ZNF385D: variants seen among roughly 807,000 people sequenced by gnomAD.
ZNF385D encodes the protein zinc finger protein 659.
ZNF385D carries 15 observed loss-of-function variants against 35.8 expected under a neutral mutation model. The observed-to-expected ratio is 0.42, with a 90% confidence interval of 0.28 to 0.64. ZNF385D has a LOEUF of 0.64. Ranked by LOEUF, ZNF385D falls within the 30% of genes least tolerant of loss-of-function variation. ZNF385D has a pLI of 0.23. For missense variants in ZNF385D, 474 were observed against 494.6 expected (o/e 0.96, Z 0.39); for synonymous variants, 212 against 186.8 (o/e 1.13, Z -1.10).
chr3:21,980,246 G>T (rs909328465), intron 3 of ZNF385D, among the ~76,000 whole-genome samples: 1 of 152,152 alleles, frequency 6.6e-6, no homozygotes, highest in Non-Finnish European at 1.5e-5. Flanking sequence ...CAAGCTTTCA[G>T]TTAATTCAGC....
Position 22,368,971 on chromosome 3 carries a change from T to G in ZNF385D, c.106+3479A>C, listed in dbSNP as rs1319717875. Among the ~76,000 whole-genome samples, 3 of 152,324 alleles carry G rather than the reference T, an allele frequency of 2.0e-5. No homozygotes were observed. The East Asian group carries it at 5.8e-4, about 29-fold the overall frequency. On this transcript the variant is annotated intron_variant, in intron 2 of 5. Coordinates refer to the ZNF385D transcript ENST00000494108. ...AAATATAAATTACACTGGCAGTTTT[T>G]GGGTGTGTAATCTACAGAAGTTGAT...
At chr3:21,659,814 G>C (rs904610924) in intron 2 of ZNF385D, among the ~76,000 whole-genome samples, 1 of 152,150 alleles carries the variant, frequency 6.6e-6, no homozygotes, top group South Asian at 2.1e-4. Flanking sequence ...TGTAAAAATT[G>C]TTCAATGTAT....
chr3:21,845,678 C>A (rs923731605), intron 3 of ZNF385D, among the ~76,000 whole-genome samples: 4 of 151,874 alleles, frequency 2.6e-5, no homozygotes, highest in Non-Finnish European at 5.9e-5. Flanking sequence ...ACCCAAATAA[C>A]CTCAGCCACA....
At chr3:21,593,603 C>G (rs1200417562) in intron 2 of ZNF385D, among the ~76,000 whole-genome samples, 3 of 152,064 alleles carry the variant, frequency 2.0e-5, no homozygotes, top group Non-Finnish European at 4.4e-5. Context: ...CCACCTTACT[C>G]AAACATATGT....
intron 1 of ZNF385D, among the ~76,000 whole-genome samples, chr3:21,740,763 A>T (rs76837680): frequency 0.2 from 30,143 of 152,034 alleles, 3,034 homozygotes; most frequent in Middle Eastern, 0.32. Context: ...GCAATGTGGA[A>T]CTTCCCAGGG....
intron 1 of ZNF385D, among the ~76,000 whole-genome samples, chr3:21,730,730 T>G (rs565372273): frequency 6.6e-6 from 1 of 152,392 alleles, no homozygotes; most frequent in South Asian, 2.1e-4. Flanking sequence ...TTGCTTATAG[T>G]AGTGTAGCTA....
At chr3:21,505,718 G>A (rs1706724844) in intron 4 of ZNF385D, among the ~76,000 whole-genome samples, 1 of 152,096 alleles carries the variant, frequency 6.6e-6, no homozygotes, top group African/African-American at 2.4e-5. Flanking sequence ...TACAGAGGCT[G>A]CATATGTAAG....
intron 3 of ZNF385D, among the ~76,000 whole-genome samples, chr3:21,925,597 A>G (rs1700686285): frequency 6.6e-6 from 1 of 152,188 alleles, no homozygotes; most frequent in African/African-American, 2.4e-5. Context: ...CAAAAAGGAT[A>G]ATCCATAAAA....
chr3:21,678,852 A>G (rs566848150), intron 1 of ZNF385D, among the ~76,000 whole-genome samples: 20 of 152,254 alleles, frequency 1.3e-4, no homozygotes, highest in South Asian at 6.2e-4. Context: ...CCAAGTTATC[A>G]GTGTCATTAT....
intron 2 of ZNF385D, among the ~76,000 whole-genome samples, chr3:22,326,615 T>A (rs1218923692): frequency 6.6e-6 from 1 of 152,106 alleles, no homozygotes; most frequent in Admixed American, 6.5e-5. Context: ...GAATGGAGCA[T>A]CTGTCTCAGG....
chr3:21,894,698 T>G (rs1699042360), intron 3 of ZNF385D, among the ~76,000 whole-genome samples: 2 of 152,186 alleles, frequency 1.3e-5, no homozygotes, highest in Admixed American at 1.3e-4. Flanking sequence ...AGATCTGAAA[T>G]GTCTATTTTA....
intron 2 of ZNF385D, among the ~76,000 whole-genome samples, chr3:22,178,901 G>T (rs1387416418): frequency 6.6e-6 from 1 of 152,152 alleles, no homozygotes; most frequent in Non-Finnish European, 1.5e-5. Flanking sequence ...TTGTAGATAT[G>T]TGGCATTATT....
At position 21,437,701 on chromosome 3, in the gene ZNF385D, C is replaced by CAAAAA. The variant is rs751739275; in HGVS notation, c.440-503_440-499dup. 4.2e-3 allele frequency among the ~76,000 whole-genome samples: 328 copies of CAAAAA among 77,182 alleles called. 14 individuals are homozygous for CAAAAA. Among genetic ancestry groups the CAAAAA allele is most frequent in the African/African-American group, 0.016 (311 of 19,070 alleles). The allele number at this position is 77,182 out of a possible 152,430, so 50.6% of individuals were successfully genotyped here. Reference sequence around the variant, plus strand: ...ACAGATCCTTTTGCAAATGCTTATACAAAAAAAAAAAAAAAAAACCGGAAC... The same window carrying CAAAAA: ...ACAGATCCTTTTGCAAATGCTTATACAAAAAAAAAAAAAAAAAAAAAAACCGGAAC... On this transcript the variant is annotated intron_variant, in intron 4 of 7. Coordinates refer to ENST00000281523, the MANE Select transcript of ZNF385D (RefSeq NM_024697.3).
intron 2 of ZNF385D, among the ~76,000 whole-genome samples, chr3:21,645,872 T>G (rs959237995): frequency 3.9e-5 from 6 of 152,190 alleles, no homozygotes; most frequent in African/African-American, 1.4e-4. Flanking sequence ...GCATTATGTA[T>G]AGAGAAAAAC....
In ZNF385D at chr3:22,366,097, A is replaced by G. The variant is rs184572877; in HGVS notation, c.106+6353T>C. On this transcript the variant is annotated intron_variant, in intron 2 of 5. Coordinates refer to the ZNF385D transcript ENST00000494108. ...TACCTTGTTTCAGGTTATATACAGT[A>G]CAATCAATCAGAGGAAGCAGAGTTC... is the stretch of plus-strand genomic sequence containing the variant. 1.9e-3 allele frequency among the ~76,000 whole-genome samples: 291 copies of G among 152,162 alleles called. 6 individuals are homozygous for G. In the South Asian group the frequency reaches 0.033, roughly 17 times the overall value.
chr3:22,063,173 C>T (rs1196305445), intron 3 of ZNF385D, among the ~76,000 whole-genome samples: 1 of 152,038 alleles, frequency 6.6e-6, no homozygotes, highest in Non-Finnish European at 1.5e-5. Flanking sequence ...ATTTTTTTAA[C>T]CTTTCTGAAC....
At chr3:21,770,375 C>T (rs1559605926) in intron 3 of ZNF385D, among the ~76,000 whole-genome samples, 2 of 152,054 alleles carry the variant, frequency 1.3e-5, no homozygotes, top group Admixed American at 6.6e-5. Flanking sequence ...CTACAAAGAA[C>T]TCAAACAAAT....
intron 2 of ZNF385D, among the ~76,000 whole-genome samples, chr3:22,284,756 ATAAAT>A (rs1701940040): frequency 6.6e-6 from 1 of 152,164 alleles, no homozygotes; most frequent in South Asian, 2.1e-4. Flanking sequence ...TCTTATGAAA[ATAAAT>A]AAGATAAAAT....
intron 2 of ZNF385D, among the ~76,000 whole-genome samples, chr3:22,342,201 C>T (rs1695454620): frequency 7.0e-6 from 1 of 142,082 alleles, no homozygotes; most frequent in Admixed American, 7.7e-5. Context: ...GGCGTGAACC[C>T]AGGAGGCGGA....
Sources: allele counts gnomAD v4.1 joint callset (sites outside exome capture counted in the v4.1 genomes callset), GRCh38; gene constraint gnomAD v4.1.1; transcripts MANE v1.5; gene names NCBI Gene and HGNC (gene_info 2026-07-23, HGNC 2026-07-21).